Variants in KHDRBS2 observed in about 807,000 individuals in gnomAD.
KHDRBS2 encodes KH RNA binding domain containing, signal transduction associated 2, also known as KH domain-containing, RNA-binding, signal transduction-associated protein 2.
In KHDRBS2, 26 loss-of-function variants were observed where a neutral mutation model predicts 44.3. The ratio of observed to expected loss-of-function variants is 0.59; its 90% CI spans 0.43 to 0.81. The LOEUF is 0.81. Ranked by LOEUF, KHDRBS2 falls within the 40% of genes least tolerant of loss-of-function variation. The probability of loss-of-function intolerance (pLI) is 0.00; values close to 1 mark genes in which losing one functional copy is unlikely to be tolerated. For missense variants in KHDRBS2, 476 were observed against 433.1 expected (o/e 1.10, Z -0.88); for synonymous variants, 194 against 151.1 (o/e 1.28, Z -2.08).
At chr6:62,113,705 A>G (rs1333281936) in intron 2 of KHDRBS2, among the ~76,000 whole-genome samples, 3 of 152,100 alleles carry the variant, frequency 2.0e-5, no homozygotes, top group African/African-American at 4.8e-5. Flanking sequence ...TATTTATCAG[A>G]AGAGGAAAAT....
chr6:61,740,659 A>G (rs1776009678), intron 6 of KHDRBS2, among the ~76,000 whole-genome samples: 1 of 151,726 alleles, frequency 6.6e-6, no homozygotes, highest in African/African-American at 2.4e-5. Flanking sequence ...CTTAGTTTTT[A>G]TTGTTATTGT....
intron 1 of KHDRBS2, among the ~76,000 whole-genome samples, chr6:62,223,731 A>G (rs1038475568): frequency 6.6e-6 from 1 of 152,110 alleles, no homozygotes; most frequent in African/African-American, 2.4e-5. Context: ...AAGTTCCACA[A>G]ATCTCTAGGG....
rs139284662 is a variant in KHDRBS2, at chr6:62,108,390, C to G, written c.220-60396G>C. On this transcript the variant is annotated intron_variant, in intron 2 of 8. Transcript: ENST00000281156. ...TCAGGAGAAATGCAAATCAAAACCA[C>G]AATGAAATACCATCTCACACCAGTT... is the stretch of plus-strand genomic sequence containing the variant. Among the ~76,000 whole-genome samples, 310 of 152,278 alleles carry G rather than the reference C, an allele frequency of 2.0e-3. 2 individuals are homozygous for G. Among genetic ancestry groups the G allele is most frequent in the African/African-American group, 7.1e-3 (296 of 41,556 alleles).
At chr6:62,076,556 T>C (rs1796374942) in intron 2 of KHDRBS2, among the ~76,000 whole-genome samples, 1 of 152,044 alleles carries the variant, frequency 6.6e-6, no homozygotes, top group Non-Finnish European at 1.5e-5. Context: ...CTGTGAAGCC[T>C]TTTTGTCTAG....
chr6:61,915,625 C>T (rs185275514), intron 4 of KHDRBS2, among the ~76,000 whole-genome samples: 131 of 152,118 alleles, frequency 8.6e-4, no homozygotes, highest in Non-Finnish European at 1.5e-3. Flanking sequence ...TCCATGCCAT[C>T]TCATTTTATG....
intron 4 of KHDRBS2, among the ~76,000 whole-genome samples, chr6:61,932,050 A>ATG (rs1218958453): frequency 2.0e-5 from 3 of 152,152 alleles, no homozygotes; most frequent in Admixed American, 6.5e-5. Flanking sequence ...AATTTTAAAA[A>ATG]TGTGTCAATT....
At chr6:61,820,935 A>G (rs958323935) in intron 6 of KHDRBS2, among the ~76,000 whole-genome samples, 18 of 151,976 alleles carry the variant, frequency 1.2e-4, no homozygotes, top group African/African-American at 4.3e-4. Context: ...CTTTCCTTTT[A>G]TGTTTCTTAC....
chr6:61,557,436 A>T, the KHDRBS2 span, among the ~76,000 whole-genome samples: 2 of 152,240 alleles, frequency 1.3e-5, no homozygotes, highest in Non-Finnish European at 2.9e-5. Flanking sequence ...TAAAACAGCA[A>T]TAATATTTTC....
chr6:62,278,639 T>A (rs759081777), intron 1 of KHDRBS2, among the ~76,000 whole-genome samples: 2 of 152,160 alleles, frequency 1.3e-5, no homozygotes, highest in Non-Finnish European at 2.9e-5. Flanking sequence ...ACATTACAGA[T>A]AAACATAAGA....
intron 5 of KHDRBS2, among the ~76,000 whole-genome samples, chr6:61,899,423 C>T (rs1001548772): frequency 2.0e-5 from 3 of 151,754 alleles, no homozygotes; most frequent in Non-Finnish European, 4.4e-5. Flanking sequence ...ATTTTTAATG[C>T]TAATTTTCTT....
Position 61,954,664 on chromosome 6 carries a change from GTGTATATACACATACATACT to G in KHDRBS2, c.483+23382_483+23401del, listed in dbSNP as rs1241785270. Among the ~76,000 whole-genome samples the G allele has an allele frequency of 5.4e-4, 71 of 130,704 alleles. 8 individuals are homozygous for G. Among genetic ancestry groups the G allele is most frequent in the African/African-American group, 1.9e-3 (69 of 36,066 alleles). 85.7% of individuals were successfully genotyped at this position (130,704 alleles called of 152,430 possible). A position where few individuals can be genotyped will look rare whatever the true frequency, so the allele number is the denominator to read the frequency against. ...TACATACTTATGTATACATACATAT[GTGTATATACACATACATACT>G]TATGTATACATACATATGTGTATAT... On this transcript the variant is annotated intron_variant, in intron 4 of 8. Coordinates refer to ENST00000281156, the MANE Select transcript of KHDRBS2 (RefSeq NM_152688.4).
intron 4 of KHDRBS2, among the ~76,000 whole-genome samples, chr6:61,970,874 C>T (rs1735699011): frequency 6.6e-6 from 1 of 152,114 alleles, no homozygotes; most frequent in South Asian, 2.1e-4. Context: ...CCCACTGCTA[C>T]TCCCCAAGCT....
intron 2 of KHDRBS2, among the ~76,000 whole-genome samples, chr6:62,132,185 T>C (rs1810484461): frequency 6.6e-6 from 1 of 152,214 alleles, no homozygotes; most frequent in Non-Finnish European, 1.5e-5. Context: ...GAGATTTTCA[T>C]TGATTTGATG....
intron 1 of KHDRBS2, among the ~76,000 whole-genome samples, chr6:62,231,151 T>C (rs184159344): frequency 1.3e-5 from 2 of 152,294 alleles, no homozygotes; most frequent in East Asian, 3.9e-4. Flanking sequence ...AGTCAATCAC[T>C]TTTTGAGAGA....
chr6:62,180,695 C>A (rs1489715145), intron 1 of KHDRBS2, among the ~76,000 whole-genome samples: 3 of 151,472 alleles, frequency 2.0e-5, no homozygotes, highest in African/African-American at 7.3e-5. Context: ...AAAATAATCC[C>A]CAAATTTATA....
rs80101993 is a variant in KHDRBS2, at chr6:61,745,867, T to A, written c.811-13103A>T. Among the ~76,000 whole-genome samples, 1,273 of 152,210 alleles carry A rather than the reference T, an allele frequency of 8.4e-3. 48 individuals carry two copies. Among genetic ancestry groups the A allele is most frequent in the Admixed American group, 0.064 (977 of 15,280 alleles). On this transcript the variant is annotated intron_variant, in intron 6 of 8. Coordinates refer to ENST00000281156, the MANE Select transcript of KHDRBS2 (RefSeq NM_152688.4). The stretch of plus-strand genomic sequence containing the variant: ...AAATATTTTATTTTATTTTATTTGC[T>A]CACACCTTTAAGTGGGGTTAAAAAT...
At chr6:62,271,251 C>G (rs2150188671) in intron 1 of KHDRBS2, among the ~76,000 whole-genome samples, 1 of 152,156 alleles carries the variant, frequency 6.6e-6, no homozygotes, top group South Asian at 2.1e-4. Flanking sequence ...ATCGTGGTCC[C>G]ACAGGATTAC....
intron 7 of KHDRBS2, among the ~76,000 whole-genome samples, chr6:61,725,712 T>C (rs1773439945): frequency 6.6e-6 from 1 of 152,136 alleles, no homozygotes; most frequent in African/African-American, 2.4e-5. Context: ...CATAAATTCC[T>C]GGACACCTAT....
chr6:61,592,557 T>C, the KHDRBS2 span, among the ~76,000 whole-genome samples: 2 of 152,172 alleles, frequency 1.3e-5, no homozygotes, highest in Non-Finnish European at 2.9e-5. Context: ...GAAGTAGATT[T>C]TTCTCAACAA....
Sources: gnomAD v4.1 joint callset for allele counts (sites outside exome capture counted in the v4.1 genomes callset) on GRCh38, gnomAD v4.1.1 for gene constraint, MANE v1.5 for transcripts, NCBI Gene and HGNC (gene_info 2026-07-23, HGNC 2026-07-21) for gene names.